Variants in L2HGDH observed in about 807,000 individuals in gnomAD.
L2HGDH encodes the protein L-2-hydroxyglutarate dehydrogenase, mitochondrial.
Under a neutral mutation model 51.5 loss-of-function variants are expected in L2HGDH, and 34 were observed. That is an observed-to-expected ratio of 0.66 (90% CI 0.50 to 0.88). The LOEUF (loss-of-function observed/expected upper bound fraction) is 0.88. Ranked by LOEUF, L2HGDH falls within the 40% of genes least tolerant of loss-of-function variation. The probability of loss-of-function intolerance (pLI) is 0.00; values close to 1 mark genes in which losing one functional copy is unlikely to be tolerated. For synonymous variants in L2HGDH, 198 were observed against 197.9 expected, an observed-to-expected ratio of 1.00 and a Z score of -0.01; for missense variants, 558 against 571.9, an observed-to-expected ratio of 0.98 and a Z score of 0.25.
intron 3 of L2HGDH, chr14:50,299,745 T>G (rs1014012499): frequency 1.3e-5 from 2 of 154,350 alleles, no homozygotes. Context: ...CCAGGCGTGG[T>G]GGCTCACACC....
intron 4 of L2HGDH, among the ~76,000 whole-genome samples, chr14:50,284,244 TATC>T (rs1467107593): frequency 1.3e-5 from 2 of 152,228 alleles, no homozygotes; most frequent in Admixed American, 1.3e-4. Flanking sequence ...TTGAATTACG[TATC>T]ATCAAACAAT....
intron 4 of L2HGDH, among the ~76,000 whole-genome samples, chr14:50,285,846 T>A (rs890869937): frequency 6.6e-6 from 1 of 152,212 alleles, no homozygotes; most frequent in Non-Finnish European, 1.5e-5. Flanking sequence ...CCCTAGAAGG[T>A]GTCTCTTCTT....
intron 4 of L2HGDH, chr14:50,287,170 T>G: frequency 2.0e-6 from 2 of 984,328 alleles, no homozygotes; most frequent in Non-Finnish European, 1.2e-6. Context: ...CTCACTGACC[T>G]CATTCCAAGG....
chr14:50,268,816 T>C (rs552867066), intron 7 of L2HGDH, among the ~76,000 whole-genome samples: 21 of 152,296 alleles, frequency 1.4e-4, no homozygotes, highest in African/African-American at 4.8e-4. Flanking sequence ...TACCTACAGA[T>C]AGTGAACTGA....
intron 4 of L2HGDH, chr14:50,287,222 A>T: frequency 2.0e-6 from 2 of 985,324 alleles, no homozygotes; most frequent in Non-Finnish European, 2.4e-6. Flanking sequence ...AACAATATCC[A>T]GACTCATCCA....
intron 4 of L2HGDH, among the ~76,000 whole-genome samples, chr14:50,289,628 C>T (rs1890760664): frequency 6.6e-6 from 1 of 151,930 alleles, no homozygotes; most frequent in Admixed American, 6.6e-5. Flanking sequence ...TGAAAAGTCC[C>T]CAAATATTTC....
rs1887935714 is a variant in L2HGDH, at chr14:50,244,982, A to G, written c.*2076T>C. ...CGCCACATTTTCATTTACAATTTCT[A>G]TTTTCTAACTTTCTAAATTATAAGA... is the stretch of plus-strand genomic sequence containing the variant. On this transcript the variant is annotated 3_prime_UTR_variant, in exon 10 of 10. Coordinates refer to ENST00000267436, the MANE Select transcript of L2HGDH (RefSeq NM_024884.3). 3.0e-6 allele frequency: 3 copies of G among 985,294 alleles called. No homozygotes were observed. The highest frequency in any genetic ancestry group is 1.7e-5 in the African/African-American group (1 of 57,218). 61.0% of individuals were successfully genotyped at this position (985,294 alleles called of 1,614,324 possible).
At chr14:50,253,847 A>G (rs777249351) in intron 9 of L2HGDH, among the ~76,000 whole-genome samples, 5 of 152,200 alleles carry the variant, frequency 3.3e-5, no homozygotes, top group Non-Finnish European at 7.3e-5. Context: ...AGTACTATTC[A>G]GCCATTAAAA....
intron 9 of L2HGDH, among the ~76,000 whole-genome samples, chr14:50,256,015 A>G (rs1175140621): frequency 6.6e-6 from 1 of 152,114 alleles, no homozygotes; most frequent in South Asian, 2.1e-4. Flanking sequence ...AAAAAGAAAA[A>G]AAAATATGTC....
chr14:50,246,590 G>C lies in L2HGDH; in HGVS notation c.*468C>G, dbSNP rs1000730792. On this transcript the variant is annotated 3_prime_UTR_variant, in exon 10 of 10. Transcript: ENST00000267436. ...AGCCTACTGAGGAGCTGGAACTACA[G>C]AGGCACCAGACCCAGCTAACTTTGT... The C allele has an allele frequency of 1.2e-5, 2 of 162,390 alleles. No individual in the cohort carries two copies. Among genetic ancestry groups the C allele is most frequent in the African/African-American group, 4.8e-5 (2 of 41,302 alleles). The allele number at this position is 162,390 out of a possible 1,614,324, so 10.1% of individuals were successfully genotyped here.
chr14:50,270,742 G>A lies in L2HGDH; in HGVS notation c.739-1412C>T, dbSNP rs549939020. Among the ~76,000 whole-genome samples, 287 of 152,078 alleles carry A rather than the reference G, an allele frequency of 1.9e-3. 1 individual carries two copies. Among genetic ancestry groups the A allele is most frequent in the African/African-American group, 6.3e-3 (260 of 41,484 alleles). On this transcript the variant is annotated intron_variant, in intron 6 of 9. Transcript: ENST00000267436. ...AGGATGGTCTCGATCTCCTGACCTC[G>A]TGATCCACCCGCCTCGGCCTCCCAA...
At chr14:50,279,167 G>A (rs1890125339) in intron 5 of L2HGDH, among the ~76,000 whole-genome samples, 1 of 152,114 alleles carries the variant, frequency 6.6e-6, no homozygotes, top group South Asian at 2.1e-4. Flanking sequence ...TAACAATTTT[G>A]CTCATCATCT....
At chr14:50,287,605 G>C (rs1251452996) in intron 4 of L2HGDH, among the ~76,000 whole-genome samples, 7 of 148,988 alleles carry the variant, frequency 4.7e-5, no homozygotes, top group African/African-American at 7.4e-5. Context: ...GGTAATACTT[G>C]ATAGGAGCAC....
rs1887919382 is a variant in L2HGDH at position 50,244,534 on chromosome 14, G to C, written c.*2524C>G. The C allele has an allele frequency of 5.1e-6, 5 of 985,392 alleles. No individual in the cohort carries two copies. Among genetic ancestry groups the C allele is most frequent in the Non-Finnish European group, 6.0e-6 (5 of 829,924 alleles). The allele number at this position is 985,392 out of a possible 1,614,324, so 61.0% of individuals were successfully genotyped here. ...TGGAACAGAAAAATATCCTGTGTTTGCATTTCTTGCAGGAATCAGCTGTTA... is the reference window on the plus strand; with the variant it reads ...TGGAACAGAAAAATATCCTGTGTTTCCATTTCTTGCAGGAATCAGCTGTTA... On this transcript the variant is annotated 3_prime_UTR_variant, in exon 10 of 10. Coordinates refer to ENST00000267436, the MANE Select transcript of L2HGDH (RefSeq NM_024884.3).
chr14:50,293,690 C>T (rs1189128374), intron 4 of L2HGDH, among the ~76,000 whole-genome samples: 1 of 152,180 alleles, frequency 6.6e-6, no homozygotes, highest in Admixed American at 6.5e-5. Context: ...TCAGACACTA[C>T]AGCTGCCCTC....
intron 4 of L2HGDH, among the ~76,000 whole-genome samples, chr14:50,291,559 C>T (rs1366399756): frequency 6.6e-6 from 1 of 152,188 alleles, no homozygotes; most frequent in Non-Finnish European, 1.5e-5. Flanking sequence ...ATAACCTCTG[C>T]AGGAAGAACT....
intron 1 of L2HGDH, among the ~76,000 whole-genome samples, chr14:50,308,272 C>T (rs576588571): frequency 6.6e-6 from 1 of 152,266 alleles, no homozygotes; most frequent in Admixed American, 6.5e-5. Flanking sequence ...TGCCTGTAAT[C>T]CCAGCTACTC....
chr14:50,312,029 C>T lies in L2HGDH; in HGVS notation c.122G>A (p.Ser41Asn), dbSNP rs973194152. Reference sequence around the variant, plus strand: ...CACTCACCTGGTGCTGGCGCTGCGGCTACCTCCACACAGCGGTCTTGGCCT... The same window carrying T: ...CACTCACCTGGTGCTGGCGCTGCGGTTACCTCCACACAGCGGTCTTGGCCT... ...SGRPRPLCGG[S>N]RSASTSSFDI... Residue 41 changes from serine (S) to asparagine (N), a missense_variant, in exon 1 of 10, where the codon AGC (serine) becomes AAC (asparagine). Ser to Asn is a conservative substitution (Grantham distance 46). Transcript: ENST00000267436. 4.2e-5 allele frequency: 66 copies of T among 1,575,112 alleles called. No individual in the cohort carries two copies. The highest frequency in any genetic ancestry group is 5.5e-5 in the Non-Finnish European group (64 of 1,162,848).
At chr14:50,292,798 T>A (rs193253279) in intron 4 of L2HGDH, among the ~76,000 whole-genome samples, 363 of 152,192 alleles carry the variant, frequency 2.4e-3, no homozygotes, top group African/African-American at 8.4e-3. Flanking sequence ...GGCAGGAGAA[T>A]TGCTTGAACC....
Sources: allele counts gnomAD v4.1 joint callset (sites outside exome capture counted in the v4.1 genomes callset), GRCh38; gene constraint gnomAD v4.1.1; transcripts MANE v1.5; gene names NCBI Gene and HGNC (gene_info 2026-07-23, HGNC 2026-07-21).